Variants in TMC7 observed in about 807,000 individuals in gnomAD.
TMC7 encodes transmembrane channel-like protein 7.
Under a neutral mutation model 82.9 loss-of-function variants are expected in TMC7, and 54 were observed. The observed-to-expected ratio is 0.65, with a 90% confidence interval of 0.52 to 0.82. TMC7 has a LOEUF of 0.82. Among genes scored for constraint, TMC7 ranks in the 40% least tolerant of loss-of-function variants. TMC7 has a pLI of 0.00. For missense variants in TMC7, 820 were observed against 901.2 expected (o/e 0.91, Z 1.15); for synonymous variants, 350 against 337.9 (o/e 1.04, Z -0.39).
At chr16:19,021,419 A>T (rs1959967597) in intron 3 of TMC7, among the ~76,000 whole-genome samples, 3 of 152,238 alleles carry the variant, frequency 2.0e-5, no homozygotes, top group African/African-American at 7.2e-5. Flanking sequence ...TTCTCAAGTG[A>T]TTAATTCAAG....
intron 1 of TMC7, among the ~76,000 whole-genome samples, chr16:18,993,726 T>C (rs1185964665): frequency 1.3e-5 from 2 of 152,162 alleles, no homozygotes; most frequent in Non-Finnish European, 2.9e-5. Context: ...GTGAGGACAT[T>C]CTTTCTGCCC....
chr16:19,014,839 A>G (rs1054673367), intron 2 of TMC7, among the ~76,000 whole-genome samples: 3 of 152,176 alleles, frequency 2.0e-5, no homozygotes, highest in Non-Finnish European at 4.4e-5. Context: ...TGGTTCATAA[A>G]TGAATTGGCA....
intron 1 of TMC7, among the ~76,000 whole-genome samples, chr16:18,988,436 C>G (rs2038892233): frequency 6.6e-6 from 1 of 151,530 alleles, no homozygotes; most frequent in South Asian, 2.1e-4. Context: ...ACTACAGGCG[C>G]ATGCAACCAC....
rs546202851 is a variant in TMC7, at chr16:19,048,591, T to C, written c.1740+1342T>C. 5.5e-4 allele frequency among the ~76,000 whole-genome samples: 83 copies of C among 152,026 alleles called. 2 individuals are homozygous for C. The highest frequency in any genetic ancestry group is 2.9e-4 in the Non-Finnish European group (20 of 68,010). On this transcript the variant is annotated intron_variant, in intron 12 of 15. Transcript: ENST00000304381. Reference sequence around the variant, plus strand: ...CATGTGCCACCACGCCCGGTTAATTTTGTATTTTTATTAGAGAGAGAGTTT... The same window carrying C: ...CATGTGCCACCACGCCCGGTTAATTCTGTATTTTTATTAGAGAGAGAGTTT...
chr16:19,021,737 TACTC>T lies in TMC7; in HGVS notation c.572_575del (p.Leu191ArgfsTer27). On this transcript the variant is annotated frameshift_variant, in exon 4 of 16. Transcript: ENST00000304381. LOFTEE classifies it high-confidence loss of function. ...TTTATGCTGGTTTTGCTCCCAGTCT[TACTC>T]ACGAAATACAAGATCACCAACAGCA... 1 of 1,614,178 alleles carries T rather than the reference TACTC, an allele frequency of 6.2e-7. No homozygotes were observed. Among genetic ancestry groups the T allele is most frequent in the Non-Finnish European group, 8.5e-7 (1 of 1,180,030 alleles).
intron 1 of TMC7, among the ~76,000 whole-genome samples, chr16:18,986,242 A>C (rs1345003472): frequency 6.6e-6 from 1 of 151,672 alleles, no homozygotes; most frequent in East Asian, 2.0e-4. Flanking sequence ...AAAAACACAA[A>C]AAATTAGCCA....
intron 1 of TMC7, among the ~76,000 whole-genome samples, chr16:18,996,529 A>T (rs903779722): frequency 1.3e-5 from 2 of 152,184 alleles, no homozygotes; most frequent in African/African-American, 4.8e-5. Context: ...TCGAGTTTGT[A>T]TTGGGGCCAA....
intron 1 of TMC7, among the ~76,000 whole-genome samples, chr16:18,990,834 G>A (rs2038938404): frequency 6.6e-6 from 1 of 152,064 alleles, no homozygotes; most frequent in Admixed American, 6.6e-5. Context: ...GATCAGTTAG[G>A]GTGGGGTAGA....
intron 1 of TMC7, among the ~76,000 whole-genome samples, chr16:18,993,682 TAG>T (rs531676283): frequency 6.6e-6 from 1 of 152,316 alleles, no homozygotes; most frequent in South Asian, 2.1e-4. Flanking sequence ...AAGTTTTTAT[TAG>T]AGAGGCATTA....
chr16:19,041,293 C>A (rs1294608147), intron 9 of TMC7, among the ~76,000 whole-genome samples: 1 of 152,184 alleles, frequency 6.6e-6, no homozygotes, highest in Non-Finnish European at 1.5e-5. Context: ...CGTTTCCATC[C>A]ATTCCCTCCT....
chr16:19,013,140 T>G (rs530148455), intron 2 of TMC7, among the ~76,000 whole-genome samples: 3 of 151,564 alleles, frequency 2.0e-5, no homozygotes, highest in South Asian at 2.1e-4. Context: ...TAATTGCTAA[T>G]AGTTGTTATT....
chr16:18,991,523 G>A (rs879425017), intron 1 of TMC7, among the ~76,000 whole-genome samples: 16 of 152,016 alleles, frequency 1.1e-4, no homozygotes, highest in Non-Finnish European at 2.1e-4. Context: ...TTGAGGCCTC[G>A]GCGATTTTGG....
chr16:19,048,873 A>C (rs1241717872), intron 12 of TMC7, among the ~76,000 whole-genome samples: 1 of 152,222 alleles, frequency 6.6e-6, no homozygotes, highest in Non-Finnish European at 1.5e-5. Flanking sequence ...TGAGGATTCA[A>C]AATTGAAAAT....
Position 19,001,985 on chromosome 16 carries a change from C to G in TMC7, c.68-7187C>G, listed in dbSNP as rs148828364. ...ACTTTGTGTGGGAAACAAACCCCTGCTGTGAACTCAGCACCAAATACGGTT... is the reference window on the plus strand; with the variant it reads ...ACTTTGTGTGGGAAACAAACCCCTGGTGTGAACTCAGCACCAAATACGGTT... On this transcript the variant is annotated intron_variant, in intron 1 of 15. Transcript: ENST00000304381. Among the ~76,000 whole-genome samples the G allele has an allele frequency of 3.6e-3, 555 of 152,276 alleles. 3 individuals carry two copies. Among genetic ancestry groups the G allele is most frequent in the African/African-American group, 0.011 (472 of 41,566 alleles).
Position 19,051,709 on chromosome 16 carries a change from A to G in TMC7, c.1764A>G (p.Arg588=), listed in dbSNP as rs1961548612. The change falls in exon 13 of 16, where the codon AGA becomes AGG. Residue 588 remains arginine (R), a synonymous_variant. Transcript: ENST00000304381. ...VKEWSLLYTC[R]PSPRPFRASN... is the part of the protein sequence containing the mutation. The stretch of plus-strand genomic sequence containing the variant: ...AGTGGAGTCTGCTTTACACCTGCAG[A>G]CCCTCCCCCAGGCCGTTCAGAGCAT... 1.9e-6 allele frequency: 3 copies of G among 1,611,666 alleles called. No individual in the cohort carries two copies. The highest frequency in any genetic ancestry group is 2.5e-6 in the Non-Finnish European group (3 of 1,179,532).
At chr16:18,997,758 C>T (rs1596721164) in intron 1 of TMC7, among the ~76,000 whole-genome samples, 1 of 133,212 alleles carries the variant, frequency 7.5e-6, no homozygotes, top group Non-Finnish European at 1.5e-5. Context: ...GAGATGGAGT[C>T]TTGCTCTGTC....
intron 5 of TMC7, 61 bp from the exon 6 acceptor site, chr16:19,030,163 C>T: frequency 6.5e-7 from 1 of 1,542,092 alleles, no homozygotes; most frequent in Non-Finnish European, 8.8e-7. Context: ...GCAGGGACTA[C>T]TCTTCTGGTT....
At chr16:19,060,743 G>C (rs1473958576) in intron 15 of TMC7, among the ~76,000 whole-genome samples, 1 of 151,812 alleles carries the variant, frequency 6.6e-6, no homozygotes. Flanking sequence ...GTTTTATTCT[G>C]AGTGGGATGG....
At chr16:19,009,080 G>A in intron 1 of TMC7, 92 bp from the exon 2 acceptor site, 7 of 1,431,852 alleles carry the variant, frequency 4.9e-6, no homozygotes, top group East Asian at 2.3e-5. Flanking sequence ...GTAACTATCT[G>A]CAAGGTTCAG....
Sources: gnomAD v4.1 joint callset for allele counts (sites outside exome capture counted in the v4.1 genomes callset) on GRCh38, gnomAD v4.1.1 for gene constraint, MANE v1.5 for transcripts, NCBI Gene and HGNC (gene_info 2026-07-23, HGNC 2026-07-21) for gene names.